CSPP1: variants seen among roughly 807,000 people sequenced by gnomAD.
CSPP1 encodes centrosome and spindle pole-associated protein 1.
Under a neutral mutation model 164.4 loss-of-function variants are expected in CSPP1, and 126 were observed. The observed-to-expected ratio is 0.77, with a 90% CI of 0.66 to 0.89. The LOEUF (loss-of-function observed/expected upper bound fraction) is 0.89, where lower values mean the gene tolerates loss of function less well. Among genes scored for constraint, CSPP1 ranks in the 40% least tolerant of loss-of-function variants. The pLI is 0.00. For missense variants in CSPP1, 1,395 were observed against 1,449.8 expected, an observed-to-expected ratio of 0.96 and a Z score of 0.61; for synonymous variants, 472 against 476.7, an observed-to-expected ratio of 0.99 and a Z score of 0.13.
At chr8:67,178,740 C>T (rs1322170847) in intron 27 of CSPP1, among the ~76,000 whole-genome samples, 1 of 151,928 alleles carries the variant, frequency 6.6e-6, no homozygotes, top group Non-Finnish European at 1.5e-5. Context: ...TGGCCTAGTG[C>T]ATGTAAGGAG....
chr8:67,178,328 G>C lies in CSPP1; in HGVS notation c.3156+602G>C, dbSNP rs558951605. On this transcript the variant is annotated intron_variant, in intron 27 of 30. Coordinates refer to ENST00000678616, the MANE Select transcript of CSPP1 (RefSeq NM_001382391.1). The stretch of plus-strand genomic sequence containing the variant: ...TAACACCCACCTGTATCCTGAGGGG[G>C]GTACTTTTTGTGCAAGACTGAATAA... Among the ~76,000 whole-genome samples the C allele has an allele frequency of 2.8e-4, 43 of 152,200 alleles. 2 individuals carry two copies. In the South Asian group the frequency reaches 8.7e-3, roughly 31 times the overall value.
chr8:67,153,706 T>C (rs1261867279), intron 18 of CSPP1, among the ~76,000 whole-genome samples: 1 of 152,170 alleles, frequency 6.6e-6, no homozygotes, highest in Non-Finnish European at 1.5e-5. Flanking sequence ...ATGTCCTTTT[T>C]TTCTTTATAA....
intron 15 of CSPP1, among the ~76,000 whole-genome samples, chr8:67,129,758 A>G (rs915015797): frequency 6.6e-6 from 1 of 152,228 alleles, no homozygotes; most frequent in Non-Finnish European, 1.5e-5. Flanking sequence ...TATACATACT[A>G]TATTGGTCCC....
rs559794720 is a variant in CSPP1, at chr8:67,076,470, T to C, written c.100-12T>C. On this transcript the variant is annotated splice_polypyrimidine_tract_variant and intron_variant, in intron 2 of 30. Transcript: ENST00000678616. ...TTTCCTCTTGCTTTTGTAAACATTA[T>C]GTCTCTTTCAGGGAAAGTTGTCAGC... 11 of 1,501,132 alleles carry C rather than the reference T, an allele frequency of 7.3e-6. No homozygotes were observed. In the East Asian group the frequency reaches 1.8e-4, roughly 25 times the overall value. The allele number at this position is 1,501,132 out of a possible 1,614,324, so 93.0% of individuals were successfully genotyped here.
At chr8:67,179,228 T>C (rs1832417939) in intron 27 of CSPP1, among the ~76,000 whole-genome samples, 1 of 152,190 alleles carries the variant, frequency 6.6e-6, no homozygotes, top group East Asian at 1.9e-4. Flanking sequence ...GAGCTCATTA[T>C]AATAAGCCCA....
At chr8:67,121,698 T>G (rs1411116268) in intron 15 of CSPP1, among the ~76,000 whole-genome samples, 1 of 152,186 alleles carries the variant, frequency 6.6e-6, no homozygotes, top group Non-Finnish European at 1.5e-5. Context: ...TGTTCCCTCC[T>G]CTTGAACTTT....
intron 3 of CSPP1, among the ~76,000 whole-genome samples, chr8:67,081,455 AT>A (rs1361688602): frequency 6.6e-6 from 1 of 152,174 alleles, no homozygotes. Context: ...AATGTCTTTA[AT>A]AAGGAGTTTG....
At chr8:67,097,834 T>C (rs1563547520) in intron 7 of CSPP1, among the ~76,000 whole-genome samples, 1 of 151,946 alleles carries the variant, frequency 6.6e-6, no homozygotes, top group East Asian at 1.9e-4. Flanking sequence ...ATATAAACTT[T>C]TCCAAATACT....
In CSPP1 at chr8:67,154,325, A is replaced by C. The variant is rs150076064; in HGVS notation, c.2241+189A>C. Reference sequence around the variant, plus strand: ...TTCAAGGAAATAAACAGATGTATTAAGTATAGTAGTTGACTTAATCTTTTA... The same window carrying C: ...TTCAAGGAAATAAACAGATGTATTACGTATAGTAGTTGACTTAATCTTTTA... On this transcript the variant is annotated intron_variant, in intron 19 of 30. Coordinates refer to ENST00000678616, the MANE Select transcript of CSPP1 (RefSeq NM_001382391.1). 1.9e-3 allele frequency among the ~76,000 whole-genome samples: 285 copies of C among 152,262 alleles called. 4 individuals are homozygous for C. The highest frequency in any genetic ancestry group is 6.6e-3 in the African/African-American group (274 of 41,576).
At chr8:67,167,431 C>T (rs1284312230) in intron 24 of CSPP1, among the ~76,000 whole-genome samples, 4 of 145,418 alleles carry the variant, frequency 2.8e-5, no homozygotes, top group East Asian at 4.1e-4. Context: ...GGCGGCTGGC[C>T]GGGCGGGGGC....
Position 67,175,508 on chromosome 8 carries a change from T to TA in CSPP1, c.3109+73dup, listed in dbSNP as rs767082092. The TA allele has an allele frequency of 1.8e-5, 28 of 1,559,732 alleles. No individual in the cohort carries two copies. In the South Asian group the frequency reaches 2.9e-4, roughly 16 times the overall value. ...TTCCGTAGGCTTTCTGCATCTCTTCTATTGATTTCATTCCCAGGCATCCTC... is the reference window on the plus strand; with the variant it reads ...TTCCGTAGGCTTTCTGCATCTCTTCTAATTGATTTCATTCCCAGGCATCCTC... On this transcript the variant is annotated intron_variant, in intron 26 of 30. Transcript: ENST00000678616.
At chr8:67,150,877 C>A (rs996602387) in intron 18 of CSPP1, among the ~76,000 whole-genome samples, 1 of 152,108 alleles carries the variant, frequency 6.6e-6, no homozygotes, top group African/African-American at 2.4e-5. Context: ...TATTTTGATG[C>A]CTATAAAACT....
chr8:67,065,835 G>C (rs1031965841), intron 1 of CSPP1, among the ~76,000 whole-genome samples: 2 of 152,118 alleles, frequency 1.3e-5, no homozygotes, highest in Non-Finnish European at 2.9e-5. Context: ...GTTCAAGTTT[G>C]GGTCTTCTGC....
chr8:67,119,285 C>G (rs1231063707), intron 15 of CSPP1, among the ~76,000 whole-genome samples: 1 of 152,188 alleles, frequency 6.6e-6, no homozygotes, highest in Non-Finnish European at 1.5e-5. Context: ...ATCCATTTAT[C>G]CATTAGTGGA....
intron 28 of CSPP1, among the ~76,000 whole-genome samples, chr8:67,185,513 T>G (rs1834331858): frequency 6.6e-6 from 1 of 152,168 alleles, no homozygotes; most frequent in South Asian, 2.1e-4. Context: ...ATGGTTTCCC[T>G]TGGGGGCTTT....
At chr8:67,085,374 TAA>T (rs560133449) in intron 3 of CSPP1, among the ~76,000 whole-genome samples, 1 of 141,110 alleles carries the variant, frequency 7.1e-6, no homozygotes, top group African/African-American at 2.6e-5. Flanking sequence ...AAAAGAAAAT[TAA>T]AAAAAAAAAA....
At chr8:67,188,376 C>T (rs1424097750) in intron 28 of CSPP1, among the ~76,000 whole-genome samples, 1 of 152,184 alleles carries the variant, frequency 6.6e-6, no homozygotes, top group East Asian at 1.9e-4. Context: ...GCTTGTAACT[C>T]AGCTCACACC....
intron 9 of CSPP1, among the ~76,000 whole-genome samples, chr8:67,106,736 T>A (rs987124390): frequency 6.6e-6 from 1 of 152,168 alleles, no homozygotes; most frequent in Non-Finnish European, 1.5e-5. Flanking sequence ...TTGTGAAAAC[T>A]GTTAGAAAAA....
chr8:67,076,181 A>G (rs1035376986), intron 2 of CSPP1, among the ~76,000 whole-genome samples: 4 of 152,046 alleles, frequency 2.6e-5, no homozygotes. Context: ...AATAGTTTAT[A>G]AGCTTCATGA....
Sources: gnomAD v4.1 joint callset for allele counts (sites outside exome capture counted in the v4.1 genomes callset) on GRCh38, gnomAD v4.1.1 for gene constraint, MANE v1.5 for transcripts, NCBI Gene and HGNC (gene_info 2026-07-23, HGNC 2026-07-21) for gene names.